The following MRPS21 variants were observed in gnomAD, a reference collection of about 807,000 sequenced individuals.
The protein encoded by MRPS21 is small ribosomal subunit protein bS21m.
MRPS21 carries 8 observed loss-of-function variants against 9.9 expected under a neutral mutation model. The observed-to-expected ratio is 0.81, with a 90% CI of 0.47 to 1.45. MRPS21 has a LOEUF of 1.45. MRPS21 is among the 40% of genes most tolerant of loss of function. The pLI is 0.00. For missense variants in MRPS21, 101 were observed against 118.9 expected (o/e 0.85, Z 0.70); for synonymous variants, 40 against 40.3 (o/e 0.99, Z 0.03).
chr1:150,294,585 CCT>C, intron 2 of MRPS21, 136 bp downstream of exon 2: 2 of 742,482 alleles, frequency 2.7e-6, no homozygotes, highest in South Asian at 1.6e-5. Context: ...CGTCTCAGCC[CCT>C]CAGTTTATTA....
At chr1:150,296,551 C>T (rs1470343214) in intron 2 of MRPS21, among the ~76,000 whole-genome samples, 1 of 152,062 alleles carries the variant, frequency 6.6e-6, no homozygotes, top group African/African-American at 2.4e-5. Flanking sequence ...TCCACTCTAA[C>T]CTAGGAAGCA....
chr1:150,306,558 C>T (rs1654338134), intron 2 of MRPS21, among the ~76,000 whole-genome samples: 2 of 152,148 alleles, frequency 1.3e-5, no homozygotes, highest in Admixed American at 1.3e-4. Flanking sequence ...TGCAGTGGCG[C>T]AACCTTGGCT....
intron 2 of MRPS21, among the ~76,000 whole-genome samples, chr1:150,301,503 A>G (rs587640076): frequency 1.3e-5 from 2 of 152,378 alleles, no homozygotes; most frequent in East Asian, 3.9e-4. Flanking sequence ...ACTTCGTCTC[A>G]AAAAAGGAAA....
chr1:150,302,326 T>C (rs1210938026), intron 2 of MRPS21, among the ~76,000 whole-genome samples: 1 of 152,120 alleles, frequency 6.6e-6, no homozygotes, highest in Non-Finnish European at 1.5e-5. Flanking sequence ...GGGGCCCTCA[T>C]TGGTGCCCCG....
rs1553858831 is a variant in MRPS21 at position 150,308,159 on chromosome 1, C to T, written c.195C>T (p.Asn65=). Residue 65 remains asparagine (N), a synonymous_variant, in exon 3 of 3, where the codon AAC becomes AAT. Coordinates refer to ENST00000614145, the MANE Select transcript of MRPS21 (RefSeq NM_031901.6). ...ESYERCRRIY[N]MEMARKINFL... ...ATGAAAGGTGCCGGCGGATCTACAACATGGAAATGGCTCGCAAGATCAACT... is the reference window on the plus strand; with the variant it reads ...ATGAAAGGTGCCGGCGGATCTACAATATGGAAATGGCTCGCAAGATCAACT... 2.5e-6 allele frequency: 4 copies of T among 1,609,696 alleles called. No homozygotes were observed. In the South Asian group the frequency reaches 3.3e-5, roughly 13 times the overall value.
chr1:150,308,163 G>T lies in MRPS21; in HGVS notation c.199G>T (p.Glu67Ter), dbSNP rs1553858832. The change falls in exon 3 of 3, where the codon GAA (glutamate) becomes TAA (stop). Residue 67 changes from glutamate to a stop codon, truncating the protein, a stop_gained. Coordinates refer to ENST00000614145, the MANE Select transcript of MRPS21 (RefSeq NM_031901.6). LOFTEE classifies it high-confidence loss of function. The stretch of plus-strand genomic sequence containing the variant: ...AAGGTGCCGGCGGATCTACAACATG[G>T]AAATGGCTCGCAAGATCAACTTCTT... ...YERCRRIYNMEMARKINFLMR... is the reference protein window; with the variant it reads ...YERCRRIYNM The T allele has an allele frequency of 1.5e-5, 24 of 1,609,344 alleles. No homozygotes were observed. Among genetic ancestry groups the T allele is most frequent in the Non-Finnish European group, 2.0e-5 (24 of 1,175,940 alleles).
rs1254067651 is a variant in MRPS21 at position 150,302,551 on chromosome 1, C to T, written c.84-5497C>T. Among the ~76,000 whole-genome samples the T allele has an allele frequency of 5.3e-5, 8 of 152,140 alleles. No individual in the cohort carries two copies. The South Asian group carries it at 6.2e-4, about 12-fold the overall frequency. ...TGAGTCTGCCACCCGCACCTCCCCC[C>T]GCTCCAGGCAGCTTGGCTCCTTTTA... On this transcript the variant is annotated intron_variant, in intron 2 of 2. Coordinates refer to ENST00000614145, the MANE Select transcript of MRPS21 (RefSeq NM_031901.6).
rs11558190 is a variant in MRPS21 at position 150,308,218 on chromosome 1, A to G, written c.254A>G (p.Gln85Arg). The change falls in exon 3 of 3, where the codon CAG becomes CGG. Residue 85 changes from glutamine (Q) to arginine (R), a missense_variant. Physicochemically the swap from Gln to Arg is conservative, Grantham distance 43. Transcript: ENST00000614145. ...LMRKNRADPW[Q>R]GC ...CGAAAGAATCGGGCAGATCCGTGGC[A>G]GGGCTGCTGAGGCCTGTGGGTGGGA... The G allele has an allele frequency of 1.3e-3, 2,084 of 1,593,982 alleles. 3 individuals are homozygous for G. The highest frequency in any genetic ancestry group is 1.7e-3 in the Non-Finnish European group (1,954 of 1,163,216).
intron 2 of MRPS21, among the ~76,000 whole-genome samples, chr1:150,299,753 C>T (rs1046165874): frequency 6.6e-6 from 1 of 152,148 alleles, no homozygotes; most frequent in African/African-American, 2.4e-5. Context: ...CCACACCCAG[C>T]CCACATACTA....
At chr1:150,306,739 C>T (rs896916712) in intron 2 of MRPS21, among the ~76,000 whole-genome samples, 17 of 152,122 alleles carry the variant, frequency 1.1e-4, no homozygotes, top group Non-Finnish European at 2.1e-4. Flanking sequence ...AGGTGATCCG[C>T]CCACCTCGGC....
chr1:150,307,722 A>G (rs150714227), intron 2 of MRPS21, among the ~76,000 whole-genome samples: 120 of 152,046 alleles, frequency 7.9e-4, no homozygotes, highest in African/African-American at 2.8e-3. Context: ...AGCACTACAG[A>G]CACATATTAC....
chr1:150,306,912 C>T (rs1379985285), intron 2 of MRPS21, among the ~76,000 whole-genome samples: 1 of 152,154 alleles, frequency 6.6e-6, no homozygotes, highest in Non-Finnish European at 1.5e-5. Flanking sequence ...AGAATCATTG[C>T]TGTAGGGAGA....
chr1:150,296,806 A>T (rs1367169394), intron 2 of MRPS21, among the ~76,000 whole-genome samples: 1 of 152,164 alleles, frequency 6.6e-6, no homozygotes, highest in Non-Finnish European at 1.5e-5. Context: ...TTCATTTTCC[A>T]ATTTAGAATC....
At chr1:150,295,338 A>G (rs1229062326) in intron 2 of MRPS21, among the ~76,000 whole-genome samples, 1 of 151,946 alleles carries the variant, frequency 6.6e-6, no homozygotes, top group East Asian at 1.9e-4. Flanking sequence ...GTGTCACTCA[A>G]CAATCCTCCT....
Position 150,308,677 on chromosome 1 carries a change from C to CAAA in MRPS21, c.*456_*458dup. The CAAA allele has an allele frequency of 6.6e-6, 1 of 150,502 alleles. No individual in the cohort carries two copies. Among genetic ancestry groups the CAAA allele is most frequent in the Non-Finnish European group, 1.5e-5 (1 of 67,642 alleles). The allele number at this position is 150,502 out of a possible 1,614,324, so 9.3% of individuals were successfully genotyped here. ...TGAAACCCCATCTCTACTAAAAATACAAAAAAAAATTGGCCGGGCGTGGTG... is the reference window on the plus strand; with the variant it reads ...TGAAACCCCATCTCTACTAAAAATACAAAAAAAAAAAATTGGCCGGGCGTGGTG... On this transcript the variant is annotated 3_prime_UTR_variant, in exon 3 of 3. Transcript: ENST00000614145.
At chr1:150,298,336 CTT>C (rs1279297121) in intron 2 of MRPS21, among the ~76,000 whole-genome samples, 1 of 152,088 alleles carries the variant, frequency 6.6e-6, no homozygotes, top group Non-Finnish European at 1.5e-5. Context: ...TAACTTCACT[CTT>C]TTTTTCTGAC....
intron 2 of MRPS21, among the ~76,000 whole-genome samples, chr1:150,294,880 G>C (rs1334696438): frequency 8.0e-6 from 1 of 124,932 alleles, no homozygotes; most frequent in African/African-American, 3.5e-5. Context: ...GCCTGGGCAA[G>C]AGTGAGACTC....
intron 2 of MRPS21, among the ~76,000 whole-genome samples, chr1:150,305,299 A>G (rs1400027237): frequency 6.6e-6 from 1 of 152,002 alleles, no homozygotes; most frequent in Non-Finnish European, 1.5e-5. Flanking sequence ...TCGGCCTCCC[A>G]AAGTCCTGGG....
At chr1:150,294,177 C>T (rs782127790) in intron 1 of MRPS21, 158 bp from the exon 2 acceptor site, 1 of 552,838 alleles carries the variant, frequency 1.8e-6, no homozygotes, top group Non-Finnish European at 3.4e-6. Context: ...TAAGAGACAA[C>T]GATTCACGTC....
Sources: gnomAD v4.1 joint callset for allele counts (sites outside exome capture counted in the v4.1 genomes callset) on GRCh38, gnomAD v4.1.1 for gene constraint, MANE v1.5 for transcripts, NCBI Gene and HGNC (gene_info 2026-07-23, HGNC 2026-07-21) for gene names.